The following METTL15 variants were observed in gnomAD, a reference collection of about 807,000 sequenced individuals.
METTL15 encodes 12S rRNA N(4)-cytidine methyltransferase METTL15.
Under a neutral mutation model 38.3 loss-of-function variants are expected in METTL15, and 34 were observed. That is an observed-to-expected ratio of 0.89 (90% CI 0.68 to 1.18). METTL15 has a LOEUF of 1.18. Ranked by LOEUF, METTL15 falls within the 50% of genes most tolerant of loss-of-function variation. The probability of loss-of-function intolerance (pLI) is 0.00; values close to 1 mark genes in which losing one functional copy is unlikely to be tolerated. For missense variants in METTL15, 438 were observed against 498.4 expected, an observed-to-expected ratio of 0.88 and a Z score of 1.15; for synonymous variants, 162 against 170.9, an observed-to-expected ratio of 0.95 and a Z score of 0.41.
At chr11:28,246,940 CTT>C (rs1854539000) in intron 4 of METTL15, among the ~76,000 whole-genome samples, 1 of 152,052 alleles carries the variant, frequency 6.6e-6, no homozygotes, top group South Asian at 2.1e-4. Context: ...TATTGGAAAA[CTT>C]TTAAGCATTT....
At chr11:28,339,069 A>T (rs796690454) in intron 3 of METTL15, among the ~76,000 whole-genome samples, 6 of 152,222 alleles carry the variant, frequency 3.9e-5, no homozygotes, top group African/African-American at 1.4e-4. Context: ...ACCTTGAAGG[A>T]ATTGGAGCTC....
chr11:28,226,872 G>C (rs538394926), intron 4 of METTL15, among the ~76,000 whole-genome samples: 52 of 151,942 alleles, frequency 3.4e-4, no homozygotes, highest in African/African-American at 1.2e-3. Flanking sequence ...GGTCAGTTCT[G>C]TCATACACTG....
chr11:28,199,389 A>T lies in METTL15; in HGVS notation c.271-11673A>T, dbSNP rs75462416. ...AAAATCTGTACCCAGCAATCCCTTC[A>T]CTTCACTGTTCCAAGTTTACTATAA... On this transcript the variant is annotated intron_variant, in intron 3 of 6. Coordinates refer to ENST00000407364, the MANE Select transcript of METTL15 (RefSeq NM_001113528.2). 1.9e-3 allele frequency among the ~76,000 whole-genome samples: 296 copies of T among 152,180 alleles called. 3 individuals are homozygous for T. In the East Asian group the frequency reaches 0.036, roughly 19 times the overall value.
At chr11:28,235,700 T>A in intron 4 of METTL15, among the ~76,000 whole-genome samples, 1 of 151,922 alleles carries the variant, frequency 6.6e-6, no homozygotes. Context: ...CTTAAGGAGA[T>A]TTTGGGCTGA....
chr11:28,413,989 C>T (rs2133414998), intron 5 of METTL15, among the ~76,000 whole-genome samples: 2 of 152,168 alleles, frequency 1.3e-5, no homozygotes, highest in Middle Eastern at 6.8e-3. Flanking sequence ...AAGTCCAAGG[C>T]ATTATATTAT....
chr11:28,204,124 T>C (rs1227475713), intron 3 of METTL15, among the ~76,000 whole-genome samples: 3 of 152,032 alleles, frequency 2.0e-5, no homozygotes, highest in Non-Finnish European at 4.4e-5. Context: ...ACTTAGCACC[T>C]ACTGTTTTGC....
chr11:28,392,696 A>G (rs1222414482), intron 5 of METTL15, among the ~76,000 whole-genome samples: 1 of 152,142 alleles, frequency 6.6e-6, no homozygotes, highest in Non-Finnish European at 1.5e-5. Flanking sequence ...CATCACAGGA[A>G]ACAACAGAGT....
intron 6 of METTL15, among the ~76,000 whole-genome samples, chr11:28,466,900 G>A (rs972255830): frequency 6.6e-6 from 1 of 152,140 alleles, no homozygotes; most frequent in Non-Finnish European, 1.5e-5. Flanking sequence ...TTGGGGAGGA[G>A]GGAGTTCAGA....
At chr11:28,399,129 C>T (rs1850604646) in intron 5 of METTL15, 1 of 152,012 alleles carries the variant, frequency 6.6e-6, no homozygotes, top group Admixed American at 6.6e-5. Flanking sequence ...GAACAGAGGC[C>T]TCAGAAATAA....
At position 28,435,655 on chromosome 11, in the gene METTL15, C is replaced by T. The variant is rs564690533; in HGVS notation, c.*424+11291C>T. Among the ~76,000 whole-genome samples, 12 of 151,866 alleles carry T rather than the reference C, an allele frequency of 7.9e-5. No individual in the cohort carries two copies. In the South Asian group the frequency reaches 2.3e-3, roughly 29 times the overall value. ...TCTATAGAGTCTCAATTCTTTTTTC[C>T]TCCAGGCTGGCAAACTGTTGCCAAT... On this transcript the variant is annotated intron_variant and NMD_transcript_variant, in intron 6 of 7. Coordinates refer to the METTL15 transcript ENST00000532947.
chr11:28,181,369 T>C (rs1851281452), intron 3 of METTL15, among the ~76,000 whole-genome samples: 1 of 149,878 alleles, frequency 6.7e-6, no homozygotes, highest in Non-Finnish European at 1.5e-5. Flanking sequence ...CAACCCGTCA[T>C]CTACAATAGG....
At chr11:28,157,635 C>T (rs1850308138) in intron 3 of METTL15, among the ~76,000 whole-genome samples, 1 of 152,146 alleles carries the variant, frequency 6.6e-6, no homozygotes, top group South Asian at 2.1e-4. Flanking sequence ...TACTTTCTGG[C>T]CCATCTAGGT....
chr11:28,124,298 G>A (rs190051255), intron 3 of METTL15, among the ~76,000 whole-genome samples: 102 of 152,138 alleles, frequency 6.7e-4, no homozygotes, highest in African/African-American at 2.3e-3. Context: ...TTGGCCTAAC[G>A]TTACTAGAGA....
intron 3 of METTL15, among the ~76,000 whole-genome samples, chr11:28,155,564 T>C (rs1850235652): frequency 6.6e-6 from 1 of 152,114 alleles, no homozygotes; most frequent in Non-Finnish European, 1.5e-5. Context: ...TGGACCCTCT[T>C]AACAGAGATG....
At chr11:28,263,701 G>A (rs924317057) in intron 4 of METTL15, among the ~76,000 whole-genome samples, 2 of 151,968 alleles carry the variant, frequency 1.3e-5, no homozygotes, top group African/African-American at 4.8e-5. Flanking sequence ...TTGTTCAAAA[G>A]CATATTTTTG....
chr11:28,505,474 C>T (rs182558657), intron 6 of METTL15, among the ~76,000 whole-genome samples: 62 of 152,284 alleles, frequency 4.1e-4, no homozygotes, highest in Non-Finnish European at 8.2e-4. Flanking sequence ...TTATCTCCGC[C>T]CATTAAAACA....
At chr11:28,239,290 G>A (rs1854180711) in intron 4 of METTL15, among the ~76,000 whole-genome samples, 1 of 152,166 alleles carries the variant, frequency 6.6e-6, no homozygotes. Flanking sequence ...CATCTGTTAA[G>A]GGCAATTCTA....
chr11:28,418,609 C>T (rs376289635), intron 5 of METTL15, among the ~76,000 whole-genome samples: 48 of 152,194 alleles, frequency 3.2e-4, no homozygotes, highest in African/African-American at 9.2e-4. Context: ...CCTTCATAAA[C>T]GCTAAAAATC....
intron 3 of METTL15, among the ~76,000 whole-genome samples, chr11:28,188,414 ATAT>A (rs1851584701): frequency 6.6e-6 from 1 of 151,292 alleles, no homozygotes; most frequent in Non-Finnish European, 1.5e-5. Flanking sequence ...GTCAAGTCAG[ATAT>A]TATTCATTTA....
Sources: allele counts gnomAD v4.1 joint callset (sites outside exome capture counted in the v4.1 genomes callset), GRCh38; gene constraint gnomAD v4.1.1; transcripts MANE v1.5; gene names NCBI Gene and HGNC (gene_info 2026-07-23, HGNC 2026-07-21).